Variants in PPP2R5C observed in about 807,000 individuals in gnomAD.
PPP2R5C encodes serine/threonine-protein phosphatase 2A 56 kDa regulatory subunit gamma isoform.
Under a neutral mutation model 68.9 loss-of-function variants are expected in PPP2R5C, and 7 were observed. The ratio of observed to expected loss-of-function variants is 0.10; its 90% CI spans 0.06 to 0.19. PPP2R5C has a LOEUF of 0.19. PPP2R5C is among the 10% of genes least tolerant of loss of function. PPP2R5C has a pLI of 1.00. For synonymous variants in PPP2R5C, 210 were observed against 222.2 expected, an observed-to-expected ratio of 0.95 and a Z score of 0.49; for missense variants, 348 against 641.3, an observed-to-expected ratio of 0.54 and a Z score of 4.94.
At chr14:101,801,036 TAG>T (rs1374094189) in intron 3 of PPP2R5C, among the ~76,000 whole-genome samples, 3 of 151,468 alleles carry the variant, frequency 2.0e-5, no homozygotes, top group Admixed American at 6.6e-5. Context: ...CTCATGGAGG[TAG>T]AGAGGAGAAT....
At chr14:101,768,577 T>G (rs1187366082) in intron 2 of PPP2R5C, among the ~76,000 whole-genome samples, 2 of 152,184 alleles carry the variant, frequency 1.3e-5, no homozygotes, top group Non-Finnish European at 2.9e-5. Context: ...CTGTTTAACG[T>G]CCGGCTCCAT....
chr14:101,906,690 T>A lies in PPP2R5C; in HGVS notation c.1151+161T>A. ...TAAATTAAGTAGCAGCGTGGGTTGT[T>A]TCTGTGGCCGTTGAATTTACCACCT... On this transcript the variant is annotated intron_variant, in intron 10 of 13. Transcript: ENST00000334743. The surrounding 1 kb of genome is among the most constrained non-coding windows in gnomAD (Gnocchi z 4.0). The A allele has an allele frequency of 2.0e-6, 2 of 996,534 alleles. No individual in the cohort carries two copies. Among genetic ancestry groups the A allele is most frequent in the Non-Finnish European group, 2.9e-6 (2 of 700,868 alleles). 61.7% of individuals were successfully genotyped at this position (996,534 alleles called of 1,614,324 possible). A position where few individuals can be genotyped will look rare whatever the true frequency, so the allele number is the denominator to read the frequency against.
intron 12 of PPP2R5C, chr14:101,912,745 T>C (rs1401062399): frequency 2.3e-6 from 1 of 426,850 alleles, no homozygotes; most frequent in African/African-American, 2.1e-5. Flanking sequence ...AAAAGAAAAC[T>C]TGAATACAGC....
intron 1 of PPP2R5C, among the ~76,000 whole-genome samples, chr14:101,850,996 A>G (rs1316197968): frequency 6.6e-6 from 1 of 152,226 alleles, no homozygotes; most frequent in African/African-American, 2.4e-5. Flanking sequence ...CATTTGAAAG[A>G]CAAGATGGCA....
chr14:101,909,525 G>C, intron 10 of PPP2R5C, 64 bp from the exon 13 acceptor site: 1 of 1,123,378 alleles, frequency 8.9e-7, no homozygotes, highest in Non-Finnish European at 1.3e-6. Context: ...CAGCCTGAGA[G>C]TGGAGAGGCG....
intron 9 of PPP2R5C, among the ~76,000 whole-genome samples, chr14:101,905,307 T>C (rs1566958076): frequency 6.6e-6 from 1 of 151,744 alleles, no homozygotes. Context: ...TGAGTCGAGA[T>C]AGCACCACTG....
At position 101,921,429 on chromosome 14, in the gene PPP2R5C, T is replaced by G. The variant is rs563361512; in HGVS notation, c.1443+3482T>G. The G allele has an allele frequency of 3.1e-4, 47 of 152,168 alleles. 1 individual carries two copies. The highest frequency in any genetic ancestry group is 1.1e-3 in the African/African-American group (45 of 41,396). 9.4% of individuals were successfully genotyped at this position (152,168 alleles called of 1,614,324 possible). On this transcript the variant is annotated intron_variant, in intron 13 of 13. Coordinates refer to ENST00000334743, the Ensembl canonical transcript of PPP2R5C. ...TCTGGAAATTCTGAAAGCACTATGGTTAAAGCAAAAAGAAGGTACCAATTC... is the reference window on the plus strand; with the variant it reads ...TCTGGAAATTCTGAAAGCACTATGGGTAAAGCAAAAAGAAGGTACCAATTC...
chr14:101,832,407 T>C lies in PPP2R5C; in HGVS notation c.94+22371T>C, dbSNP rs114127953. Among the ~76,000 whole-genome samples, 468 of 152,336 alleles carry C rather than the reference T, an allele frequency of 3.1e-3. 2 individuals are homozygous for C. Among genetic ancestry groups the C allele is most frequent in the African/African-American group, 0.011 (455 of 41,572 alleles). ...ATCAAATCCATGGTTTCTTGGGTTA[T>C]TATTGCTTAGGACAGGGCTTAGTAA... On this transcript the variant is annotated intron_variant, in intron 1 of 13. Coordinates refer to ENST00000334743, the Ensembl canonical transcript of PPP2R5C.
intron 11 of PPP2R5C, among the ~76,000 whole-genome samples, chr14:101,911,729 G>A (rs750024421): frequency 4.6e-5 from 7 of 151,838 alleles, no homozygotes; most frequent in African/African-American, 9.7e-5. Context: ...CTAAAAGTAC[G>A]AAAATTAGCC....
intron 2 of PPP2R5C, among the ~76,000 whole-genome samples, chr14:101,866,986 G>A (rs2043110094): frequency 6.6e-6 from 1 of 152,150 alleles, no homozygotes; most frequent in African/African-American, 2.4e-5. Context: ...GGAGGCTGAA[G>A]CGGACAGATC....
At position 101,917,947 on chromosome 14, in the gene PPP2R5C, G is replaced by A. The variant is rs1431805527; in HGVS notation, c.1443G>A (p.Gln481=). 6.2e-7 allele frequency: 1 copy of A among 1,613,850 alleles called. No individual in the cohort carries two copies. Among genetic ancestry groups the A allele is most frequent in the Non-Finnish European group, 8.5e-7 (1 of 1,179,836 alleles). Residue 481 remains glutamine (Q), a splice_region_variant and synonymous_variant, in exon 13 of 14, where the codon CAG becomes CAA. Coordinates refer to ENST00000334743, the Ensembl canonical transcript of PPP2R5C. The surrounding 1 kb of genome is among the most constrained non-coding windows in gnomAD (Gnocchi z 4.4). ...AGACAGTGAAGGACGAGGCTCATCA[G>A]GTAAAAGTGCACCGAGCTCAGCTGG...
chr14:101,825,250 T>TGTGTGTGTG lies in PPP2R5C; in HGVS notation c.94+15215_94+15216insTGTGTGTGG. 1.0e-5 allele frequency among the ~76,000 whole-genome samples: 1 copy of TGTGTGTGTG among 100,120 alleles called. No individual in the cohort carries two copies. The highest frequency in any genetic ancestry group is 1.0e-4 in the Admixed American group (1 of 9,640). 65.7% of individuals were successfully genotyped at this position (100,120 alleles called of 152,430 possible). ...TGTGTGTGTGTGTGTGTGTGTGTGT[T>TGTGTGTGTG]GATGAATTTATTACTTATTAAAAAA... is the stretch of plus-strand genomic sequence containing the variant. On this transcript the variant is annotated intron_variant, in intron 1 of 13. Coordinates refer to ENST00000334743, the Ensembl canonical transcript of PPP2R5C. The surrounding 1 kb of genome is among the most constrained non-coding windows in gnomAD (Gnocchi z 4.0).
At chr14:101,850,144 C>CT (rs1295091040) in intron 1 of PPP2R5C, among the ~76,000 whole-genome samples, 20 of 152,298 alleles carry the variant, frequency 1.3e-4, no homozygotes, top group Admixed American at 3.9e-4. Context: ...AAGCTCCCCT[C>CT]TGAGTCGGGG....
intron 2 of PPP2R5C, among the ~76,000 whole-genome samples, chr14:101,870,864 G>C (rs913199595): frequency 6.6e-6 from 1 of 151,970 alleles, no homozygotes; most frequent in Non-Finnish European, 1.5e-5. Context: ...TAGTATTTTG[G>C]TTTTTGGTTG....
chr14:101,909,684 A>G, exon 11 of PPP2R5C: 1 of 1,589,814 alleles, frequency 6.3e-7, no homozygotes. Context: ...AAAGCAGAGA[A>G]ACTAAAGTGA....
rs114064459 is a variant in PPP2R5C at position 101,823,376 on chromosome 14, T to C, written c.94+13340T>C. 8.0e-3 allele frequency among the ~76,000 whole-genome samples: 1,211 copies of C among 152,274 alleles called. 11 individuals carry two copies. The highest frequency in any genetic ancestry group is 0.028 in the African/African-American group (1,152 of 41,538). On this transcript the variant is annotated intron_variant, in intron 1 of 13. Coordinates refer to ENST00000334743, the Ensembl canonical transcript of PPP2R5C. The stretch of plus-strand genomic sequence containing the variant: ...TTGTATTATCCGGTATTCCAAGCAT[T>C]ACCATCATTCATCTCTTCTAGGGTT...
intron 1 of PPP2R5C, among the ~76,000 whole-genome samples, chr14:101,834,444 G>A (rs369164064): frequency 1.3e-5 from 2 of 152,190 alleles, no homozygotes; most frequent in African/African-American, 4.8e-5. Flanking sequence ...CGGCTGCTGA[G>A]GTATCTCACA....
intron 10 of PPP2R5C, among the ~76,000 whole-genome samples, chr14:101,907,347 T>C (rs900844893): frequency 1.3e-5 from 2 of 151,916 alleles, no homozygotes; most frequent in Non-Finnish European, 2.9e-5. Flanking sequence ...ATTTTTGTAT[T>C]TTTTGTAGAG....
At chr14:101,843,348 T>C (rs2041619579) in intron 1 of PPP2R5C, 1 of 181,356 alleles carries the variant, frequency 5.5e-6, no homozygotes, top group South Asian at 1.1e-4. Flanking sequence ...TATCAACTGT[T>C]AGAGATACGA....
Sources: gnomAD v4.1 joint callset for allele counts (sites outside exome capture counted in the v4.1 genomes callset) on GRCh38, gnomAD v4.1.1 for gene constraint, Gnocchi (gnomAD v3.1) non-coding constraint, MANE v1.5 for transcripts, NCBI Gene and HGNC (gene_info 2026-07-23, HGNC 2026-07-21) for gene names.